The following TRIM51 variants were observed in gnomAD, a reference collection of about 807,000 sequenced individuals.
TRIM51 encodes the protein tripartite motif-containing protein 51.
In TRIM51, 23 loss-of-function variants were observed where a neutral mutation model predicts 32.7. The ratio of observed to expected loss-of-function variants is 0.70; its 90% CI spans 0.51 to 1.00. The LOEUF is 1.00. Ranked by LOEUF, TRIM51 falls within the 50% of genes least tolerant of loss-of-function variation. The probability of loss-of-function intolerance (pLI) is 0.00; values close to 1 mark genes in which losing one functional copy is unlikely to be tolerated. For missense variants in TRIM51, 592 were observed against 539.2 expected (o/e 1.10, Z -0.97); for synonymous variants, 177 against 181.9 (o/e 0.97, Z 0.22).
chr11:55,885,428 C>T lies in TRIM51; in HGVS notation c.-1C>T. 1 of 1,611,766 alleles carries T rather than the reference C, an allele frequency of 6.2e-7. No homozygotes were observed. The highest frequency in any genetic ancestry group is 1.1e-5 in the South Asian group (1 of 90,988). The stretch of plus-strand genomic sequence containing the variant: ...CATGCTGCTCTTTCTTCTTCAGAAA[C>T]ATGAATTCTGGAATCTTGCAAGTCT... On this transcript the variant is annotated 5_prime_UTR_variant, in exon 2 of 7. Coordinates refer to ENST00000449290, the MANE Select transcript of TRIM51 (RefSeq NM_032681.4).
chr11:55,884,747 T>C (rs1370128997), intron 1 of TRIM51, among the ~76,000 whole-genome samples: 2 of 152,146 alleles, frequency 1.3e-5, no homozygotes, highest in Non-Finnish European at 2.9e-5. Context: ...CATAGTAATA[T>C]AATGATATAT....
chr11:55,889,286 C>G (rs12224686), intron 5 of TRIM51, among the ~76,000 whole-genome samples: 1 of 151,702 alleles, frequency 6.6e-6, no homozygotes, highest in Non-Finnish European at 1.5e-5. Context: ...ATCTGTATTC[C>G]TAATTTCCTT....
chr11:55,885,548 C>T lies in TRIM51; in HGVS notation c.120C>T (p.Tyr40=). 6.2e-7 allele frequency: 1 copy of T among 1,612,012 alleles called. No individual in the cohort carries two copies. The highest frequency in any genetic ancestry group is 8.5e-7 in the Non-Finnish European group (1 of 1,179,764). The change falls in exon 2 of 7, where the codon TAC becomes TAT. Residue 40 remains tyrosine, a synonymous_variant. Transcript: ENST00000449290. Reference sequence around the variant, plus strand: ...ACAGCTTTTGCCGGCCCTGTTTGTACCTCAACTGGCAAGACACGGCAGTTC... The same window carrying T: ...ACAGCTTTTGCCGGCCCTGTTTGTATCTCAACTGGCAAGACACGGCAGTTC... ...CGHSFCRPCL[Y]LNWQDTAVLA... is the part of the protein sequence containing the mutation.
At chr11:55,890,067 C>T (rs373432613) in intron 6 of TRIM51, 28 bp downstream of exon 6, 3 of 1,501,466 alleles carry the variant, frequency 2.0e-6, no homozygotes, top group African/African-American at 2.8e-5. Context: ...GGCAGAATTC[C>T]CACAGTCTAT....
chr11:55,891,548 T>G lies in TRIM51; in HGVS notation c.1275T>G (p.Val425=). The change falls in exon 7 of 7, where the codon GTT becomes GTG. Residue 425 remains valine (V), a synonymous_variant. Transcript: ENST00000449290. ...GTAGAACCGTGAGCTTTGTTGATGT[T>G]GATCAAAGTTCCCTGATATACACCA... ...CEGRTVSFVD[V]DQSSLIYTIP... 13 of 1,613,608 alleles carry G rather than the reference T, an allele frequency of 8.1e-6. No individual in the cohort carries two copies. The highest frequency in any genetic ancestry group is 1.1e-5 in the Non-Finnish European group (13 of 1,179,712).
intron 6 of TRIM51, among the ~76,000 whole-genome samples, chr11:55,890,909 T>C (rs1406668979): frequency 6.6e-6 from 1 of 152,144 alleles, no homozygotes; most frequent in Non-Finnish European, 1.5e-5. Flanking sequence ...ACTCTCAATT[T>C]TTAAGTTTTC....
intron 3 of TRIM51, 63 bp downstream of exon 3, chr11:55,886,281 A>C (rs1854577712): frequency 1.5e-6 from 2 of 1,295,890 alleles, no homozygotes; most frequent in Non-Finnish European, 2.2e-6. Context: ...TGACTCTTAA[A>C]ATAGGAACTT....
intron 1 of TRIM51, among the ~76,000 whole-genome samples, chr11:55,884,807 C>G (rs1424946293): frequency 1.3e-5 from 2 of 151,912 alleles, no homozygotes; most frequent in Non-Finnish European, 2.9e-5. Flanking sequence ...GTTTGAGTAG[C>G]CCAAAGAAGA....
chr11:55,889,419 G>A (rs967479465), intron 5 of TRIM51, among the ~76,000 whole-genome samples: 21 of 152,242 alleles, frequency 1.4e-4, no homozygotes, highest in African/African-American at 4.6e-4. Flanking sequence ...AAGTGTTGAT[G>A]ATTTCTAGTT....
In TRIM51 at chr11:55,890,572, A is replaced by G. The variant is rs528133571; in HGVS notation, c.859+533A>G. 1.9e-4 allele frequency among the ~76,000 whole-genome samples: 29 copies of G among 152,344 alleles called. No homozygotes were observed. In the East Asian group the frequency reaches 5.4e-3, roughly 28 times the overall value. ...TGGAAATGATAATTTCAGTTTAGTT[A>G]CAACATGAAGAGCTAGGTGTAAAAT... On this transcript the variant is annotated intron_variant, in intron 6 of 6. Transcript: ENST00000449290.
At chr11:55,885,177 A>G (rs1590631873) in intron 1 of TRIM51, among the ~76,000 whole-genome samples, 1 of 152,060 alleles carries the variant, frequency 6.6e-6, no homozygotes. Flanking sequence ...TTTTGAACAG[A>G]TTTGCATTAT....
Position 55,889,973 on chromosome 11 carries a change from C to G in TRIM51, c.793C>G (p.Pro265Ala). ...YESLLLQVSEPVNPELSAGPI... is the reference protein window; with the variant it reads ...YESLLLQVSEAVNPELSAGPI... The stretch of plus-strand genomic sequence containing the variant: ...GTCTCTGCTGCTGCAAGTGTCTGAG[C>G]CTGTGAATCCAGAGCTCAGTGCAGG... The change falls in exon 6 of 7, where the codon CCT becomes GCT. Residue 265 changes from proline to alanine, a missense_variant. Coordinates refer to ENST00000449290, the MANE Select transcript of TRIM51 (RefSeq NM_032681.4). The G allele has an allele frequency of 6.2e-7, 1 of 1,613,350 alleles. No individual in the cohort carries two copies. The highest frequency in any genetic ancestry group is 8.5e-7 in the Non-Finnish European group (1 of 1,179,568).
chr11:55,885,682 T>G lies in TRIM51; in HGVS notation c.254T>G (p.Phe85Cys), dbSNP rs1291394358. ...GCCAGAAAAGCCAGCCTCCGGCAAT[T>G]CCTTAGCTCTGAGGAGCAAATATGT... is the stretch of plus-strand genomic sequence containing the variant. ...FIARKASLRQ[F>C]LSSEEQICGM... is the part of the protein sequence containing the mutation. Residue 85 changes from phenylalanine to cysteine, a missense_variant, in exon 2 of 7, where the codon TTC becomes TGC. Transcript: ENST00000449290. The G allele has an allele frequency of 3.7e-6, 6 of 1,611,188 alleles. No homozygotes were observed. In the African/African-American group the frequency reaches 8.0e-5, roughly 22 times the overall value.
At chr11:55,890,285 A>G (rs1201942097) in intron 6 of TRIM51, among the ~76,000 whole-genome samples, 2 of 152,232 alleles carry the variant, frequency 1.3e-5, no homozygotes, top group East Asian at 3.8e-4. Flanking sequence ...GGTAAATGGA[A>G]TGACATAAGA....
At chr11:55,886,321 A>C in intron 3 of TRIM51, 103 bp downstream of exon 3, 1 of 961,134 alleles carries the variant, frequency 1.0e-6, no homozygotes, top group Non-Finnish European at 1.6e-6. Flanking sequence ...TCTGGAATTC[A>C]ATAAACAAGG....
At chr11:55,890,177 ATC>A (rs1427415197) in intron 6 of TRIM51, 138 bp downstream of exon 6, 1 of 607,970 alleles carries the variant, frequency 1.6e-6, no homozygotes. Context: ...ACCCTTTTAT[ATC>A]TGTGTTTCTA....
intron 6 of TRIM51, among the ~76,000 whole-genome samples, chr11:55,890,296 A>G (rs1854632355): frequency 6.6e-6 from 1 of 152,230 alleles, no homozygotes; most frequent in Admixed American, 6.5e-5. Context: ...TGACATAAGA[A>G]ATAAAAAATT....
intron 1 of TRIM51, among the ~76,000 whole-genome samples, chr11:55,884,178 TATATAC>T (rs1367721945): frequency 8.4e-5 from 11 of 130,214 alleles, no homozygotes; most frequent in Non-Finnish European, 1.6e-4. Flanking sequence ...TATATATATA[TATATAC>T]ACATACCAAA....
At position 55,885,667 on chromosome 11, in the gene TRIM51, C is replaced by A. The variant is rs1258573494; in HGVS notation, c.239C>A (p.Ala80Asp). The A allele has an allele frequency of 6.2e-7, 1 of 1,610,818 alleles. No homozygotes were observed. The change falls in exon 2 of 7, where the codon GCC becomes GAC. Residue 80 changes from alanine (A) to aspartate (D), a missense_variant. Ala to Asp is a moderately radical substitution (Grantham distance 126). Transcript: ENST00000449290. ...AACATGGCTTTCATTGCCAGAAAAGCCAGCCTCCGGCAATTCCTTAGCTCT... is the reference window on the plus strand; with the variant it reads ...AACATGGCTTTCATTGCCAGAAAAGACAGCCTCCGGCAATTCCTTAGCTCT... ...LKNMAFIARK[A>D]SLRQFLSSEE...
Sources: allele counts gnomAD v4.1 joint callset (sites outside exome capture counted in the v4.1 genomes callset), GRCh38; gene constraint gnomAD v4.1.1; transcripts MANE v1.5; gene names NCBI Gene and HGNC (gene_info 2026-07-23, HGNC 2026-07-21).